Variants in PGC observed in about 807,000 individuals in gnomAD.
PGC encodes gastricsin.
Under a neutral mutation model 45.9 loss-of-function variants are expected in PGC, and 31 were observed. The ratio of observed to expected loss-of-function variants is 0.67; its 90% CI spans 0.51 to 0.91. The LOEUF (loss-of-function observed/expected upper bound fraction) is 0.91. PGC is among the 40% of genes least tolerant of loss of function. The probability of loss-of-function intolerance (pLI) is 0.00; values close to 1 mark genes in which losing one functional copy is unlikely to be tolerated. For missense variants in PGC, 477 were observed against 493.2 expected, an observed-to-expected ratio of 0.97 and a Z score of 0.31; for synonymous variants, 192 against 201.8, an observed-to-expected ratio of 0.95 and a Z score of 0.41.
rs373932278 is a variant in PGC at position 41,741,386 on chromosome 6, C to T, written c.648-776G>A. ...TAAGGCCGGGCGCAGTGGCTCACAC[C>T]TGTAATCCCAACACTTTGGAAGGCC... On this transcript the variant is annotated intron_variant, in intron 5 of 8. Transcript: ENST00000373025. Among the ~76,000 whole-genome samples, 4 of 152,218 alleles carry T rather than the reference C, an allele frequency of 2.6e-5. No homozygotes were observed. In the South Asian group the frequency reaches 8.3e-4, roughly 32 times the overall value.
Position 41,744,751 on chromosome 6 carries a change from C to A in PGC, c.117G>T (p.Leu39=). 1 of 1,614,124 alleles carries A rather than the reference C, an allele frequency of 6.2e-7. No homozygotes were observed. Among genetic ancestry groups the A allele is most frequent in the Middle Eastern group, 1.6e-4 (1 of 6,062 alleles). Residue 39 remains leucine (L), a synonymous_variant, in exon 2 of 9, where the codon CTG becomes CTT. Coordinates refer to ENST00000373025, the MANE Select transcript of PGC (RefSeq NM_002630.4). The surrounding 1 kb of genome is among the most constrained non-coding windows in gnomAD (Gnocchi z 4.4). ...ACTTGTGGGTCCTCAGGAACTCCCCCAGCAAGCCCTTCTCCTTCATGGTCT... is the reference window on the plus strand; with the variant it reads ...ACTTGTGGGTCCTCAGGAACTCCCCAAGCAAGCCCTTCTCCTTCATGGTCT... ...IRETMKEKGL[L]GEFLRTHKYD... is the part of the protein sequence containing the mutation.
Position 41,744,868 on chromosome 6 carries a change from C to A in PGC, c.60-60G>T. The A allele has an allele frequency of 6.9e-7, 1 of 1,439,412 alleles. No homozygotes were observed. The highest frequency in any genetic ancestry group is 9.5e-7 in the Non-Finnish European group (1 of 1,047,384). 89.2% of individuals were successfully genotyped at this position (1,439,412 alleles called of 1,614,324 possible). A position where few individuals can be genotyped will look rare whatever the true frequency, so the allele number is the denominator to read the frequency against. On this transcript the variant is annotated intron_variant, in intron 1 of 8. Coordinates refer to ENST00000373025, the MANE Select transcript of PGC (RefSeq NM_002630.4). This position sits in a 1 kb window ranked among gnomAD's most constrained non-coding sequence, Gnocchi z 4.4. ...CTCCTTCCTCTCTTCCCACTCCTCT[C>A]TTTCTCTCTCTCCTTCTCTTAACTG...
In PGC at chr6:41,744,895, A is replaced by G; in HGVS notation, c.60-87T>C. 2 of 1,214,714 alleles carry G rather than the reference A, an allele frequency of 1.6e-6. No individual in the cohort carries two copies. The highest frequency in any genetic ancestry group is 2.3e-6 in the Non-Finnish European group (2 of 863,950). 75.2% of individuals were successfully genotyped at this position (1,214,714 alleles called of 1,614,324 possible). ...TTCTCTCTCTCCTTCTCTTAACTGCATGCTTCAACCTCCCTGCCACTCTGT... is the reference window on the plus strand; with the variant it reads ...TTCTCTCTCTCCTTCTCTTAACTGCGTGCTTCAACCTCCCTGCCACTCTGT... On this transcript the variant is annotated intron_variant, in intron 1 of 8. Transcript: ENST00000373025. The surrounding 1 kb of genome is among the most constrained non-coding windows in gnomAD (Gnocchi z 4.4).
In PGC at chr6:41,744,574, A is replaced by G; in HGVS notation, c.211-60T>C. On this transcript the variant is annotated intron_variant, in intron 2 of 8. Transcript: ENST00000373025. The surrounding 1 kb of genome is among the most constrained non-coding windows in gnomAD (Gnocchi z 4.4). Reference sequence around the variant, plus strand: ...GGATCCAGGGGCCCCAGGCTCCTCCATGGGCAGAGGAGTGAAGGGACCTGC... The same window carrying G: ...GGATCCAGGGGCCCCAGGCTCCTCCGTGGGCAGAGGAGTGAAGGGACCTGC... 1.3e-6 allele frequency: 2 copies of G among 1,579,532 alleles called. No individual in the cohort carries two copies. Among genetic ancestry groups the G allele is most frequent in the Middle Eastern group, 1.7e-4 (1 of 5,946 alleles).
At chr6:41,738,928 C>G (rs576175944) in intron 7 of PGC, among the ~76,000 whole-genome samples, 1 of 152,112 alleles carries the variant, frequency 6.6e-6, no homozygotes, top group East Asian at 1.9e-4. Flanking sequence ...CCATTGCACT[C>G]CAGCCTGGGC....
Position 41,740,553 on chromosome 6 carries a change from G to A in PGC, c.705C>T (p.Tyr235=). 2 of 1,611,060 alleles carry A rather than the reference G, an allele frequency of 1.2e-6. No homozygotes were observed. Among genetic ancestry groups the A allele is most frequent in the South Asian group, 2.2e-5 (2 of 90,584 alleles). The part of the protein sequence containing the change: ...VVFGGVDSSL[Y]TGQIYWAPVT... ...CAGGCGCCCAGTAGATCTGCCCCGTGTACAGGCTGCTATCCACACCCCCAA... is the reference window on the plus strand; with the variant it reads ...CAGGCGCCCAGTAGATCTGCCCCGTATACAGGCTGCTATCCACACCCCCAA... Residue 235 remains tyrosine, a synonymous_variant, in exon 6 of 9, where the codon TAC becomes TAT. Transcript: ENST00000373025.
chr6:41,747,138 A>T, intron 1 of PGC, 138 bp downstream of exon 1: 1 of 715,420 alleles, frequency 1.4e-6, no homozygotes, highest in Non-Finnish European at 2.5e-6. Flanking sequence ...GTCTAACATC[A>T]GCAAAGGGAG....
At chr6:41,745,053 C>T (rs1231814211) in intron 1 of PGC, among the ~76,000 whole-genome samples, 1 of 151,952 alleles carries the variant, frequency 6.6e-6, no homozygotes, top group Non-Finnish European at 1.5e-5. Context: ...GCCTCTTCCC[C>T]TCTTTCTTAC....
In PGC at chr6:41,742,508, AG is replaced by A; in HGVS notation, c.448-20del. On this transcript the variant is annotated intron_variant, in intron 4 of 8. Coordinates refer to ENST00000373025, the MANE Select transcript of PGC (RefSeq NM_002630.4). ...TCTGGACCTAATGGAGACACAAACG[AG>A]GGGAGGTGACCAGTCTGACTCCACT... The A allele has an allele frequency of 6.2e-7, 1 of 1,608,794 alleles. No homozygotes were observed. The highest frequency in any genetic ancestry group is 8.5e-7 in the Non-Finnish European group (1 of 1,175,254).
intron 8 of PGC, 135 bp downstream of exon 8, chr6:41,737,595 T>C (rs1771710056): frequency 1.7e-6 from 1 of 594,074 alleles, no homozygotes; most frequent in Non-Finnish European, 3.1e-6. Context: ...TTAGAATCAA[T>C]GAGTGGGGAA....
At chr6:41,737,626 G>A (rs1172002424) in intron 8 of PGC, 104 bp downstream of exon 8, 3 of 692,470 alleles carry the variant, frequency 4.3e-6, no homozygotes, top group African/African-American at 1.8e-5. Context: ...TACAAGCGTG[G>A]AGTCGGAAAA....
At chr6:41,741,238 G>A (rs1316137396) in intron 5 of PGC, 53 of 1,459,610 alleles carry the variant, frequency 3.6e-5, no homozygotes, top group Admixed American at 1.7e-4. Flanking sequence ...CTGTTTACAC[G>A]CAGAGGAATC....
intron 7 of PGC, among the ~76,000 whole-genome samples, chr6:41,739,019 C>T (rs1444983795): frequency 6.6e-6 from 1 of 152,012 alleles, no homozygotes; most frequent in African/African-American, 2.4e-5. Flanking sequence ...TAATGAGTAC[C>T]CCACTGGTCT....
intron 7 of PGC, among the ~76,000 whole-genome samples, chr6:41,738,829 T>C (rs550304569): frequency 2.0e-5 from 3 of 150,040 alleles, no homozygotes; most frequent in Non-Finnish European, 4.4e-5. Context: ...CGTGGTGACA[T>C]ACACCTGTAG....
At chr6:41,743,200 G>T in intron 4 of PGC, 71 bp downstream of exon 4, 1 of 918,740 alleles carries the variant, frequency 1.1e-6, no homozygotes, top group Non-Finnish European at 1.8e-6. Flanking sequence ...CGTGTTTCAG[G>T]AGAGTCCATC....
chr6:41,744,945 CTT>C lies in PGC; in HGVS notation c.60-139_60-138del. The C allele has an allele frequency of 2.7e-6, 2 of 747,308 alleles. No homozygotes were observed. The highest frequency in any genetic ancestry group is 2.7e-5 in the East Asian group (1 of 37,106). The allele number at this position is 747,308 out of a possible 1,614,324, so 46.3% of individuals were successfully genotyped here. Reference sequence around the variant, plus strand: ...TTTGTTCCCCCTTGTCTGTGTGTGTCTTTTTCTCTCTCTCAGCCTTTTGCTCT... The same window carrying C: ...TTTGTTCCCCCTTGTCTGTGTGTGTCTTTCTCTCTCTCAGCCTTTTGCTCT... On this transcript the variant is annotated intron_variant, in intron 1 of 8. Transcript: ENST00000373025. The surrounding 1 kb of genome is among the most constrained non-coding windows in gnomAD (Gnocchi z 4.4).
At chr6:41,737,475 T>C (rs1357449235) in intron 8 of PGC, among the ~76,000 whole-genome samples, 1 of 152,260 alleles carries the variant, frequency 6.6e-6, no homozygotes. Flanking sequence ...CACAGTGGTC[T>C]GCCCTAGTAA....
At position 41,743,343 on chromosome 6, in the gene PGC, G is replaced by A. The variant is rs750426357; in HGVS notation, c.375C>T (p.Thr125=). ...FNPSESSTYS[T]NGQTFSLQYG... ...ACTGCAGGGAGAAGGTCTGCCCATT[G>A]GTGGAGTAGGTGGACGACTCGCTGG... The change falls in exon 4 of 9, where the codon ACC becomes ACT. Residue 125 remains threonine (T), a synonymous_variant. Coordinates refer to ENST00000373025, the MANE Select transcript of PGC (RefSeq NM_002630.4). 3 of 1,613,990 alleles carry A rather than the reference G, an allele frequency of 1.9e-6. No homozygotes were observed. The highest frequency in any genetic ancestry group is 2.5e-6 in the Non-Finnish European group (3 of 1,179,928).
At chr6:41,745,243 CT>C (rs11304918) in intron 1 of PGC, among the ~76,000 whole-genome samples, 114,823 of 148,306 alleles carry the variant, frequency 0.77, 44,418 homozygotes, top group African/African-American at 0.8. Context: ...AGGATATGTA[CT>C]TTTTTTTTTT....
Sources: allele counts gnomAD v4.1 joint callset (sites outside exome capture counted in the v4.1 genomes callset), GRCh38; gene constraint gnomAD v4.1.1; non-coding constraint Gnocchi (gnomAD v3.1); transcripts MANE v1.5; gene names NCBI Gene and HGNC (gene_info 2026-07-23, HGNC 2026-07-21).